TP73: variants seen among roughly 807,000 people sequenced by gnomAD.
TP73 encodes the protein p53-like transcription factor.
Under a neutral mutation model 62.5 loss-of-function variants are expected in TP73, and 25 were observed. The ratio of observed to expected loss-of-function variants is 0.40; its 90% confidence interval spans 0.29 to 0.56. The LOEUF (loss-of-function observed/expected upper bound fraction) is 0.56, where lower values mean the gene tolerates loss of function less well. TP73 is among the 20% of genes least tolerant of loss of function. The pLI, the probability that TP73 is intolerant of heterozygous loss-of-function variation, is 0.46. For synonymous variants in TP73, 423 were observed against 377.5 expected, an observed-to-expected ratio of 1.12 and a Z score of -1.40; for missense variants, 754 against 913.3, an observed-to-expected ratio of 0.83 and a Z score of 2.25.
chr1:3,718,736 C>G (rs886133035), intron 4 of TP73, among the ~76,000 whole-genome samples: 8 of 152,322 alleles, frequency 5.3e-5, no homozygotes, highest in African/African-American at 1.2e-4. Context: ...TCCCCTCCCC[C>G]TGAGTGTCTG....
chr1:3,698,735 G>C (rs530577678), intron 3 of TP73, among the ~76,000 whole-genome samples: 1 of 152,136 alleles, frequency 6.6e-6, no homozygotes, highest in African/African-American at 2.4e-5. Flanking sequence ...ATGTGGGTCC[G>C]TGGAGGCCCG....
At chr1:3,713,667 C>A (rs750632284) in intron 4 of TP73, among the ~76,000 whole-genome samples, 2 of 152,172 alleles carry the variant, frequency 1.3e-5, no homozygotes, top group Admixed American at 1.3e-4. Flanking sequence ...TAGAGAAGGC[C>A]CTGAGCGACC....
rs1331241934 is a variant in TP73, at chr1:3,733,943, T to A, written c.*864T>A. 2.6e-5 allele frequency: 4 copies of A among 151,896 alleles called. No homozygotes were observed. Among genetic ancestry groups the A allele is most frequent in the South Asian group, 2.1e-4 (1 of 4,802 alleles). 9.4% of individuals were successfully genotyped at this position (151,896 alleles called of 1,614,324 possible). The stretch of plus-strand genomic sequence containing the variant: ...GCTTTTTTTTTTTTTTTTTTAACTT[T>A]CTTTCTCAGCATTCTCTTTGGAGTT... On this transcript the variant is annotated 3_prime_UTR_variant, in exon 14 of 14. Transcript: ENST00000378295.
At chr1:3,720,756 A>T in intron 4 of TP73, among the ~76,000 whole-genome samples, 1 of 152,218 alleles carries the variant, frequency 6.6e-6, no homozygotes, top group South Asian at 2.1e-4. Flanking sequence ...TGATGGCCAG[A>T]GAGGCAGTAC....
At chr1:3,679,913 G>A (rs1432397873) in intron 1 of TP73, among the ~76,000 whole-genome samples, 9 of 144,656 alleles carry the variant, frequency 6.2e-5, no homozygotes, top group African/African-American at 2.4e-4. Context: ...CTCTCTTCCT[G>A]TCTCTCTCTA....
rs367808236 is a variant in TP73 at position 3,730,168 on chromosome 1, C to A, written c.1345+20C>A. ...CCGTGGGTGAGTCCCTTGGGCAGTG[C>A]GGGCCCACGGGCAGGGCGGGGAGGC... is the stretch of plus-strand genomic sequence containing the variant. On this transcript the variant is annotated intron_variant, in intron 11 of 13. Coordinates refer to ENST00000378295, the MANE Select transcript of TP73 (RefSeq NM_005427.4). 2 of 1,510,762 alleles carry A rather than the reference C, an allele frequency of 1.3e-6. No homozygotes were observed. Among genetic ancestry groups the A allele is most frequent in the African/African-American group, 2.8e-5 (2 of 72,314 alleles). 93.6% of individuals were successfully genotyped at this position (1,510,762 alleles called of 1,614,324 possible). A position where few individuals can be genotyped will look rare whatever the true frequency, so the allele number is the denominator to read the frequency against.
In TP73 at chr1:3,690,791, G is replaced by A. The variant is rs3765729; in HGVS notation, c.186+7611G>A. The A allele has an allele frequency of 2.6e-3, 3,887 of 1,521,822 alleles. 86 individuals are homozygous for A. In the Admixed American group the frequency reaches 0.039, roughly 15 times the overall value. The allele number at this position is 1,521,822 out of a possible 1,614,324, so 94.3% of individuals were successfully genotyped here. ...ACTAGCTGCGGAGCCTCTCCCGCTCGGTCCACGCTGCCGGGCGGCCACGAC... is the reference window on the plus strand; with the variant it reads ...ACTAGCTGCGGAGCCTCTCCCGCTCAGTCCACGCTGCCGGGCGGCCACGAC... On this transcript the variant is annotated intron_variant, in intron 3 of 13. Transcript: ENST00000378295.
chr1:3,678,231 G>T (rs527830664), intron 1 of TP73, among the ~76,000 whole-genome samples: 5 of 152,344 alleles, frequency 3.3e-5, no homozygotes, highest in African/African-American at 1.2e-4. Flanking sequence ...AAGGCAAATG[G>T]TTGGGAAAAT....
chr1:3,679,717 C>T (rs530531959), intron 1 of TP73, among the ~76,000 whole-genome samples: 8 of 129,796 alleles, frequency 6.2e-5, no homozygotes, highest in Admixed American at 1.6e-4. Flanking sequence ...TGTCTCTCTC[C>T]GTCTCTCTTT....
chr1:3,686,000 G>A (rs1002220432), intron 3 of TP73, among the ~76,000 whole-genome samples: 1 of 152,326 alleles, frequency 6.6e-6, no homozygotes, highest in East Asian at 1.9e-4. Flanking sequence ...CGGGGCTACC[G>A]ATAGTCCTGA....
At chr1:3,654,980 G>A (rs938596420) in intron 1 of TP73, among the ~76,000 whole-genome samples, 5 of 152,246 alleles carry the variant, frequency 3.3e-5, no homozygotes, top group Non-Finnish European at 7.3e-5. Context: ...GAACCCGGAC[G>A]AGGCCCTGCC....
rs61737710 is a variant in TP73, at chr1:3,727,758, G to A, written c.973G>A (p.Ala325Thr). The A allele has an allele frequency of 1.7e-3, 2,578 of 1,542,420 alleles. 35 individuals carry two copies. The African/African-American group carries it at 0.031, about 19-fold the overall frequency. The stretch of plus-strand genomic sequence containing the variant: ...CGAGAGCTCCGCCAAGAACGGGGCC[G>A]CCAGCAAGCGTGGTGAGCGGCCGGC... ...LNESSAKNGA[A>T]SKRAFKQSPP... is the part of the protein sequence containing the mutation. Residue 325 changes from alanine (A) to threonine (T), a missense_variant, in exon 8 of 14, where the codon GCC (alanine) becomes ACC (threonine). Transcript: ENST00000378295.
At chr1:3,687,404 G>C (rs946065639) in intron 3 of TP73, among the ~76,000 whole-genome samples, 1 of 152,218 alleles carries the variant, frequency 6.6e-6, no homozygotes, top group Non-Finnish European at 1.5e-5. Flanking sequence ...AAGCTCCCTC[G>C]TAGGCTCGCA....
intron 1 of TP73, among the ~76,000 whole-genome samples, chr1:3,674,402 C>G (rs924997849): frequency 1.3e-5 from 2 of 152,250 alleles, no homozygotes; most frequent in African/African-American, 4.8e-5. Context: ...TCTTTCATCC[C>G]CATGCTGGGC....
intron 4 of TP73, among the ~76,000 whole-genome samples, chr1:3,715,770 C>G (rs541995839): frequency 1.3e-5 from 2 of 152,088 alleles, no homozygotes; most frequent in Non-Finnish European, 2.9e-5. Context: ...CTGTGGCCCT[C>G]GTCTCCTACT....
intron 1 of TP73, among the ~76,000 whole-genome samples, chr1:3,676,006 C>T (rs1412722934): frequency 6.6e-6 from 1 of 151,676 alleles, no homozygotes; most frequent in Non-Finnish European, 1.5e-5. Context: ...GGGTGGTAGA[C>T]AAAGGCTGAA....
At chr1:3,711,961 C>G (rs1215433772) in intron 4 of TP73, among the ~76,000 whole-genome samples, 1 of 152,060 alleles carries the variant, frequency 6.6e-6, no homozygotes, top group African/African-American at 2.4e-5. Context: ...GAAGGACGGC[C>G]AGGGAAGCAC....
At chr1:3,729,846 A>G (rs1378009317) in intron 10 of TP73, 154 bp from the exon 11 acceptor site, 1 of 1,156,594 alleles carries the variant, frequency 8.6e-7, no homozygotes, top group Non-Finnish European at 1.2e-6. Flanking sequence ...GTGCATGGCC[A>G]TGGTTGGGGA....
chr1:3,697,147 C>T (rs527314923), intron 3 of TP73, among the ~76,000 whole-genome samples: 136 of 107,682 alleles, frequency 1.3e-3, no homozygotes, highest in African/African-American at 1.8e-3. Flanking sequence ...GGGGCCCCTG[C>T]GGGGCCCACC....
Sources: allele counts gnomAD v4.1 joint callset (sites outside exome capture counted in the v4.1 genomes callset), GRCh38; gene constraint gnomAD v4.1.1; transcripts MANE v1.5; gene names NCBI Gene and HGNC (gene_info 2026-07-23, HGNC 2026-07-21).